NOVA1: variants seen among roughly 807,000 people sequenced by gnomAD.
The protein encoded by NOVA1 is NOVA alternative splicing regulator 1.
In NOVA1, 7 loss-of-function variants were observed where a neutral mutation model predicts 38.0. The observed-to-expected ratio is 0.18, with a 90% CI of 0.10 to 0.35. NOVA1 has a LOEUF of 0.35. Ranked by LOEUF, NOVA1 falls within the 10% of genes least tolerant of loss-of-function variation. The pLI, the probability that NOVA1 is intolerant of heterozygous loss-of-function variation, is 1.00. For missense variants in NOVA1, 460 were observed against 616.0 expected (o/e 0.75, Z 2.68); for synonymous variants, 270 against 232.5 (o/e 1.16, Z -1.47).
At chr14:26,518,641 T>A (rs1475121053) in intron 2 of NOVA1, among the ~76,000 whole-genome samples, 1 of 152,116 alleles carries the variant, frequency 6.6e-6, no homozygotes, top group African/African-American at 2.4e-5. Context: ...ATTTATCATT[T>A]CTTTGTAGTG....
intron 2 of NOVA1, among the ~76,000 whole-genome samples, chr14:26,559,971 A>C (rs1171898371): frequency 6.6e-6 from 1 of 152,084 alleles, no homozygotes; most frequent in Non-Finnish European, 1.5e-5. Flanking sequence ...AATTATTGTA[A>C]TATATTACAT....
At chr14:26,596,503 C>A in intron 1 of NOVA1, 11 of 1,256,670 alleles carry the variant, frequency 8.8e-6, no homozygotes, top group Non-Finnish European at 9.4e-6. Flanking sequence ...AATGAATGTT[C>A]CAAATGTTGT....
At chr14:26,494,506 A>T (rs139340214) in intron 2 of NOVA1, among the ~76,000 whole-genome samples, 1 of 152,360 alleles carries the variant, frequency 6.6e-6, no homozygotes, top group Non-Finnish European at 1.5e-5. Flanking sequence ...AGGCAAAATG[A>T]CAGAGATACT....
chr14:26,449,264 A>G (rs1882411991), intron 4 of NOVA1, among the ~76,000 whole-genome samples: 2 of 152,174 alleles, frequency 1.3e-5, no homozygotes, highest in Non-Finnish European at 2.9e-5. Flanking sequence ...AGAGGGGATC[A>G]TAACTATACA....
chr14:26,587,354 A>G (rs1004100626), intron 2 of NOVA1, among the ~76,000 whole-genome samples: 53 of 151,038 alleles, frequency 3.5e-4, no homozygotes, highest in African/African-American at 1.2e-3. Context: ...AGCAAAGCAA[A>G]ATTTCTCAGG....
chr14:26,490,490 T>C (rs1380499948), intron 2 of NOVA1, among the ~76,000 whole-genome samples: 1 of 152,206 alleles, frequency 6.6e-6, no homozygotes, highest in East Asian at 1.9e-4. Flanking sequence ...TTTCTGTAAG[T>C]CTTAGCCAAC....
At chr14:26,505,303 T>G (rs977956021) in intron 2 of NOVA1, among the ~76,000 whole-genome samples, 4 of 152,082 alleles carry the variant, frequency 2.6e-5, no homozygotes, top group African/African-American at 9.7e-5. Flanking sequence ...AGGAGGGACC[T>G]CATGGGAGGT....
chr14:26,576,425 C>G (rs1263374699), intron 2 of NOVA1, among the ~76,000 whole-genome samples: 1 of 151,532 alleles, frequency 6.6e-6, no homozygotes, highest in Non-Finnish European at 1.5e-5. Flanking sequence ...TCCCAGCTGA[C>G]AGGCATAAAT....
intron 2 of NOVA1, chr14:26,593,831 A>C (rs2138822365): frequency 6.6e-6 from 1 of 152,018 alleles, no homozygotes; most frequent in Non-Finnish European, 1.5e-5. Flanking sequence ...AATATCCTTG[A>C]TAAACACCAA....
chr14:26,518,569 C>T (rs1223198449), intron 2 of NOVA1, among the ~76,000 whole-genome samples: 1 of 151,938 alleles, frequency 6.6e-6, no homozygotes, highest in African/African-American at 2.4e-5. Flanking sequence ...TAGTGTGATG[C>T]TTCAATACAT....
chr14:26,596,737 C>G lies in NOVA1; in HGVS notation c.136+564G>C, dbSNP rs1008873397. ...CGTATGCACCCCCCTGAAGACAAAT[C>G]AATGAAATATTTGCACCGACAATCT... On this transcript the variant is annotated intron_variant, in intron 1 of 4. Transcript: ENST00000539517. 4.7e-6 allele frequency: 6 copies of G among 1,270,708 alleles called. No individual in the cohort carries two copies. In the African/African-American group the frequency reaches 6.1e-5, roughly 13 times the overall value. The allele number at this position is 1,270,708 out of a possible 1,614,324, so 78.7% of individuals were successfully genotyped here.
At chr14:26,489,288 A>G (rs1594387681) in intron 2 of NOVA1, among the ~76,000 whole-genome samples, 1 of 152,110 alleles carries the variant, frequency 6.6e-6, no homozygotes, top group African/African-American at 2.4e-5. Context: ...AACTGAAGAC[A>G]AGGCCTGCAT....
intron 4 of NOVA1, chr14:26,470,538 G>A: frequency 4.1e-6 from 5 of 1,204,896 alleles, no homozygotes; most frequent in Non-Finnish European, 6.1e-6. Context: ...CAATATAACA[G>A]AGTATAGTGG....
rs146403566 is a variant in NOVA1 at position 26,453,164 on chromosome 14, T to TTATGTATG, written c.520-4209_520-4202dup. ...TTTTAGCAGTGATGAACTGCTTCAA[T>TTATGTATG]TATGTATGTATGTATGTATGTATGT... On this transcript the variant is annotated intron_variant, in intron 4 of 4. Coordinates refer to ENST00000539517, the MANE Select transcript of NOVA1 (RefSeq NM_002515.3). 3.6e-3 allele frequency among the ~76,000 whole-genome samples: 450 copies of TTATGTATG among 125,194 alleles called. 1 individual carries two copies. The highest frequency in any genetic ancestry group is 0.014 in the African/African-American group (425 of 29,790). 82.1% of individuals were successfully genotyped at this position (125,194 alleles called of 152,430 possible). A position where few individuals can be genotyped will look rare whatever the true frequency, so the allele number is the denominator to read the frequency against.
chr14:26,453,311 G>A (rs1020985131), intron 4 of NOVA1, among the ~76,000 whole-genome samples: 13 of 151,940 alleles, frequency 8.6e-5, no homozygotes, highest in African/African-American at 1.9e-4. Context: ...GGGCTGAAGC[G>A]ATCCACCTGG....
intron 2 of NOVA1, among the ~76,000 whole-genome samples, chr14:26,590,363 C>G (rs1396160001): frequency 6.6e-6 from 1 of 151,872 alleles, no homozygotes; most frequent in Non-Finnish European, 1.5e-5. Flanking sequence ...AAAAGCAGAA[C>G]TTACTCATAA....
chr14:26,498,846 T>A (rs1442763866), intron 2 of NOVA1, among the ~76,000 whole-genome samples: 1 of 152,196 alleles, frequency 6.6e-6, no homozygotes, highest in Non-Finnish European at 1.5e-5. Flanking sequence ...CTTATAAACA[T>A]TTTAAAGCAG....
chr14:26,549,100 TGA>T (rs1471514968), intron 2 of NOVA1, among the ~76,000 whole-genome samples: 1 of 152,070 alleles, frequency 6.6e-6, no homozygotes, highest in Non-Finnish European at 1.5e-5. Context: ...GAGGCTGCAG[TGA>T]GCCATGATCA....
chr14:26,523,023 G>C (rs1454984630), intron 2 of NOVA1, among the ~76,000 whole-genome samples: 2 of 152,138 alleles, frequency 1.3e-5, no homozygotes, highest in African/African-American at 4.8e-5. Flanking sequence ...GTTCCAAGCA[G>C]ACTATTCATA....
Sources: allele counts gnomAD v4.1 joint callset (sites outside exome capture counted in the v4.1 genomes callset), GRCh38; gene constraint gnomAD v4.1.1; transcripts MANE v1.5; gene names NCBI Gene and HGNC (gene_info 2026-07-23, HGNC 2026-07-21).